The following NCAM1 variants were observed in gnomAD, a reference collection of about 807,000 sequenced individuals.
NCAM1 encodes neural cell adhesion molecule 1, also known as antigen recognized by monoclonal antibody 5.1H11.
NCAM1 carries 14 observed loss-of-function variants against 109.8 expected under a neutral mutation model. The observed-to-expected ratio is 0.13, with a 90% CI of 0.08 to 0.20. The LOEUF (loss-of-function observed/expected upper bound fraction) is 0.20. NCAM1 is among the 10% of genes least tolerant of loss of function. The pLI, the probability that NCAM1 is intolerant of heterozygous loss-of-function variation, is 1.00. For synonymous variants in NCAM1, 418 were observed against 442.9 expected, an observed-to-expected ratio of 0.94 and a Z score of 0.70; for missense variants, 774 against 1,109.9, an observed-to-expected ratio of 0.70 and a Z score of 4.30.
chr11:113,092,686 T>C (rs1426020990), intron 1 of NCAM1, among the ~76,000 whole-genome samples: 3 of 152,160 alleles, frequency 2.0e-5, no homozygotes, highest in Non-Finnish European at 4.4e-5. Context: ...CCTGCTTGCT[T>C]ATTAATTGAG....
At chr11:113,123,739 G>A (rs1185821437) in intron 1 of NCAM1, among the ~76,000 whole-genome samples, 3 of 152,150 alleles carry the variant, frequency 2.0e-5, no homozygotes, top group Admixed American at 6.6e-5. Flanking sequence ...ATGTCAACCC[G>A]GCTTTATCAA....
chr11:113,129,637 A>G (rs1555097948), intron 1 of NCAM1, among the ~76,000 whole-genome samples: 2 of 152,162 alleles, frequency 1.3e-5, no homozygotes, highest in Non-Finnish European at 2.9e-5. Flanking sequence ...ACTCCTTAGA[A>G]CTGATCTTTC....
At chr11:113,134,930 C>T (rs1327233202) in intron 1 of NCAM1, among the ~76,000 whole-genome samples, 2 of 152,060 alleles carry the variant, frequency 1.3e-5, no homozygotes, top group East Asian at 1.9e-4. Flanking sequence ...GCAGACGGTT[C>T]CTGTTTTTCC....
chr11:113,012,848 G>C (rs1952105112), intron 1 of NCAM1, among the ~76,000 whole-genome samples: 1 of 152,150 alleles, frequency 6.6e-6, no homozygotes, highest in South Asian at 2.1e-4. Flanking sequence ...ATGAATTTTT[G>C]GGAGAACATT....
At chr11:113,205,155 T>C (rs1944198421) in intron 3 of NCAM1, among the ~76,000 whole-genome samples, 1 of 152,226 alleles carries the variant, frequency 6.6e-6, no homozygotes, top group Admixed American at 6.5e-5. Context: ...AAAGGACTGA[T>C]GATTCTTACT....
intron 14 of NCAM1, among the ~76,000 whole-genome samples, chr11:113,244,660 T>C (rs960502142): frequency 1.6e-4 from 11 of 69,598 alleles, no homozygotes; most frequent in Non-Finnish European, 3.0e-4. Context: ...TGTGCGTGTG[T>C]GTGTGTGTGT....
intron 1 of NCAM1, among the ~76,000 whole-genome samples, chr11:112,993,336 A>G (rs1555070862): frequency 6.6e-6 from 1 of 152,154 alleles, no homozygotes; most frequent in African/African-American, 2.4e-5. Context: ...GAGGTGCCAT[A>G]CACTTAAATG....
chr11:112,988,901 C>T (rs555115420), intron 1 of NCAM1, among the ~76,000 whole-genome samples: 58 of 152,148 alleles, frequency 3.8e-4, no homozygotes, highest in African/African-American at 1.3e-3. Context: ...GTGTGCACCA[C>T]CACACCTGGC....
intron 1 of NCAM1, among the ~76,000 whole-genome samples, chr11:113,028,008 G>A (rs1429506738): frequency 6.6e-6 from 1 of 152,178 alleles, no homozygotes; most frequent in Admixed American, 6.5e-5. Flanking sequence ...TCTCATAGAA[G>A]CAGAGAATAG....
chr11:112,998,312 ATGAGGTAGTGTC>A (rs1951654291), intron 1 of NCAM1, among the ~76,000 whole-genome samples: 1 of 152,170 alleles, frequency 6.6e-6, no homozygotes, highest in Non-Finnish European at 1.5e-5. Flanking sequence ...GGAGACTCAC[ATGAGGTAGTGTC>A]TGATTGAGAG....
At chr11:112,992,933 T>C (rs1555070801) in intron 1 of NCAM1, among the ~76,000 whole-genome samples, 2 of 152,234 alleles carry the variant, frequency 1.3e-5, no homozygotes, top group African/African-American at 4.8e-5. Flanking sequence ...TCAATTTTTG[T>C]CCTTATTTGT....
chr11:112,998,350 G>T (rs1951655465), intron 1 of NCAM1, among the ~76,000 whole-genome samples: 1 of 152,140 alleles, frequency 6.6e-6, no homozygotes, highest in South Asian at 2.1e-4. Flanking sequence ...GAGGCAGTTA[G>T]ACTTCTTTAA....
At chr11:113,186,499 T>A (rs1383560750) in intron 1 of NCAM1, among the ~76,000 whole-genome samples, 1 of 152,186 alleles carries the variant, frequency 6.6e-6, no homozygotes, top group Admixed American at 6.5e-5. Flanking sequence ...AGTAAGAGGT[T>A]TGATTAAGGC....
At chr11:113,209,587 C>T (rs1043108136) in intron 7 of NCAM1, among the ~76,000 whole-genome samples, 1 of 152,086 alleles carries the variant, frequency 6.6e-6, no homozygotes, top group African/African-American at 2.4e-5. Flanking sequence ...AGGATATGAT[C>T]CCTTGACCCT....
chr11:113,095,191 T>C (rs1007777890), intron 1 of NCAM1, among the ~76,000 whole-genome samples: 7 of 152,190 alleles, frequency 4.6e-5, no homozygotes, highest in African/African-American at 1.7e-4. Flanking sequence ...CCATCATAAA[T>C]TAACATTAAC....
intron 1 of NCAM1, among the ~76,000 whole-genome samples, chr11:113,097,595 G>T (rs1478595829): frequency 1.5e-5 from 2 of 132,426 alleles, no homozygotes; most frequent in African/African-American, 5.9e-5. Flanking sequence ...TTTATAAGAG[G>T]TGACTTGGGC....
At chr11:113,252,967 A>G (rs1945730328) in intron 15 of NCAM1, among the ~76,000 whole-genome samples, 2 of 151,920 alleles carry the variant, frequency 1.3e-5, no homozygotes, top group Admixed American at 6.6e-5. Flanking sequence ...ATTATTTAAT[A>G]TAAAATGCTC....
At chr11:112,987,230 G>C (rs148019567) in intron 1 of NCAM1, among the ~76,000 whole-genome samples, 28 of 151,938 alleles carry the variant, frequency 1.8e-4, no homozygotes, top group Admixed American at 5.2e-4. Context: ...TTGATTTCTG[G>C]TTTCATGCCA....
chr11:113,273,170 G>A lies in NCAM1; in HGVS notation c.2456+1294G>A, dbSNP rs1482092183. The A allele has an allele frequency of 1.0e-5, 4 of 381,394 alleles. No individual in the cohort carries two copies. Among genetic ancestry groups the A allele is most frequent in the East Asian group, 7.6e-5 (1 of 13,170 alleles). The allele number at this position is 381,394 out of a possible 1,614,324, so 23.6% of individuals were successfully genotyped here. On this transcript the variant is annotated intron_variant, in intron 19 of 19. Transcript: ENST00000316851. This position sits in a 1 kb window ranked among gnomAD's most constrained non-coding sequence, Gnocchi z 6.0. ...GGCCCAGCGCCTCTGCCCCCTCCCC[G>A]GCCCCAGCTTCAGCCCCCAAGGTCG...
Sources: allele counts gnomAD v4.1 joint callset (sites outside exome capture counted in the v4.1 genomes callset), GRCh38; gene constraint gnomAD v4.1.1; non-coding constraint Gnocchi (gnomAD v3.1); transcripts MANE v1.5; gene names NCBI Gene and HGNC (gene_info 2026-07-23, HGNC 2026-07-21).